The following GRM3 variants were observed in gnomAD, a reference collection of about 807,000 sequenced individuals.
The protein encoded by GRM3 is glutamate metabotropic receptor 3.
GRM3 carries 26 observed loss-of-function variants against 70.5 expected under a neutral mutation model. The observed-to-expected ratio is 0.37, with a 90% CI of 0.27 to 0.51. GRM3 has a LOEUF of 0.51. GRM3 is among the 20% of genes least tolerant of loss of function. The pLI is 0.93. For missense variants in GRM3, 859 were observed against 1,123.8 expected (o/e 0.76, Z 3.37); for synonymous variants, 443 against 434.9 (o/e 1.02, Z -0.23).
At chr7:86,653,293 G>A (rs1226265652) in intron 1 of GRM3, among the ~76,000 whole-genome samples, 1 of 152,150 alleles carries the variant, frequency 6.6e-6, no homozygotes, top group Non-Finnish European at 1.5e-5. Flanking sequence ...AATCACATCG[G>A]GAGCTAGGGC....
In GRM3 at chr7:86,644,344, G is replaced by GA. The variant is rs758177394; in HGVS notation, c.-665dup. The GA allele has an allele frequency of 3.1e-4, 88 of 281,788 alleles. No homozygotes were observed. In the Middle Eastern group the frequency reaches 5.2e-3, roughly 17 times the overall value. 17.5% of individuals were successfully genotyped at this position (281,788 alleles called of 1,614,324 possible). ...AAGAACGAGAGAGGGAGGAAAGAAT[G>GA]AAAAGGAGAGGATGCCAGGAGGTCC... On this transcript the variant is annotated 5_prime_UTR_variant, in exon 1 of 6. An upstream open reading frame in the 5' UTR loses its in-frame stop. Transcript: ENST00000361669.
At chr7:86,816,426 T>C (rs1798016013) in intron 3 of GRM3, among the ~76,000 whole-genome samples, 1 of 151,914 alleles carries the variant, frequency 6.6e-6, no homozygotes, top group Non-Finnish European at 1.5e-5. Context: ...AGGTAGTTTT[T>C]TGATCCTCTT....
intron 1 of GRM3, among the ~76,000 whole-genome samples, chr7:86,698,910 T>A (rs1464390956): frequency 6.6e-6 from 1 of 152,004 alleles, no homozygotes; most frequent in Non-Finnish European, 1.5e-5. Flanking sequence ...ATGGCCCCAC[T>A]AGCAGTATGT....
intron 1 of GRM3, among the ~76,000 whole-genome samples, chr7:86,736,899 G>A (rs1795874734): frequency 6.6e-6 from 1 of 152,026 alleles, no homozygotes; most frequent in Non-Finnish European, 1.5e-5. Context: ...TTGCAGATGT[G>A]TGTTTCCTTA....
chr7:86,666,537 C>A (rs1001686035), intron 1 of GRM3, among the ~76,000 whole-genome samples: 2 of 152,058 alleles, frequency 1.3e-5, no homozygotes, highest in Non-Finnish European at 2.9e-5. Flanking sequence ...CTGGAAGTTA[C>A]ATGAAACAGA....
In GRM3 at chr7:86,643,932, T is replaced by C. The variant is rs986062575; in HGVS notation, c.-1081T>C. The C allele has an allele frequency of 6.6e-6, 1 of 152,326 alleles. No homozygotes were observed. The highest frequency in any genetic ancestry group is 2.4e-5 in the African/African-American group (1 of 41,400). 9.4% of individuals were successfully genotyped at this position (152,326 alleles called of 1,614,324 possible). Reference sequence around the variant, plus strand: ...TCGCAGTGTGCAGTTGAGTCGCGAGTACGGCTGAGCTGCGTACCGGCCTCC... The same window carrying C: ...TCGCAGTGTGCAGTTGAGTCGCGAGCACGGCTGAGCTGCGTACCGGCCTCC... On this transcript the variant is annotated 5_prime_UTR_variant, in exon 1 of 6. Transcript: ENST00000361669.
At chr7:86,804,685 A>C (rs1301949266) in intron 3 of GRM3, among the ~76,000 whole-genome samples, 1 of 152,198 alleles carries the variant, frequency 6.6e-6, no homozygotes, top group African/African-American at 2.4e-5. Flanking sequence ...TGCTGGGATT[A>C]TAGGTGTGAA....
intron 1 of GRM3, among the ~76,000 whole-genome samples, chr7:86,725,260 T>C (rs1562839609): frequency 2.0e-5 from 3 of 152,116 alleles, no homozygotes; most frequent in Non-Finnish European, 4.4e-5. Flanking sequence ...CTAAGCACAG[T>C]GTCTGACACA....
intron 1 of GRM3, among the ~76,000 whole-genome samples, chr7:86,742,669 G>A (rs373218542): frequency 6.6e-6 from 1 of 152,040 alleles, no homozygotes; most frequent in East Asian, 1.9e-4. Flanking sequence ...GTAGGAAATT[G>A]AGCCATTGAA....
chr7:86,769,401 C>A (rs1451678498), intron 2 of GRM3, among the ~76,000 whole-genome samples: 1 of 152,062 alleles, frequency 6.6e-6, no homozygotes, highest in Admixed American at 6.6e-5. Flanking sequence ...TTGCAAATTG[C>A]CTGTTGAGAG....
At chr7:86,840,097 G>C (rs1160936779) in intron 4 of GRM3, among the ~76,000 whole-genome samples, 192 bp downstream of exon 4, 1 of 152,148 alleles carries the variant, frequency 6.6e-6, no homozygotes, top group Non-Finnish European at 1.5e-5. Flanking sequence ...ACCACATGCA[G>C]AGCACTGTGC....
chr7:86,803,662 A>G (rs752398921), intron 3 of GRM3, among the ~76,000 whole-genome samples: 1 of 152,178 alleles, frequency 6.6e-6, no homozygotes, highest in Non-Finnish European at 1.5e-5. Flanking sequence ...AAGTCATCCA[A>G]GTTACTTGGC....
intron 1 of GRM3, among the ~76,000 whole-genome samples, chr7:86,760,012 T>C (rs865941810): frequency 3.9e-5 from 6 of 152,128 alleles, no homozygotes; most frequent in Non-Finnish European, 5.9e-5. Flanking sequence ...AGAATCATAA[T>C]CAAATTGCAC....
intron 1 of GRM3, among the ~76,000 whole-genome samples, chr7:86,731,490 T>C (rs565716584): frequency 1.3e-5 from 2 of 152,334 alleles, no homozygotes; most frequent in South Asian, 2.1e-4. Context: ...CCAGTTTTGA[T>C]GAATAAAAAA....
At chr7:86,731,692 C>G (rs760278909) in intron 1 of GRM3, among the ~76,000 whole-genome samples, 1 of 152,142 alleles carries the variant, frequency 6.6e-6, no homozygotes, top group Non-Finnish European at 1.5e-5. Context: ...TAAAGGGTAA[C>G]AGCATCATGT....
intron 3 of GRM3, among the ~76,000 whole-genome samples, chr7:86,833,854 A>C (rs1798405359): frequency 6.6e-6 from 1 of 152,124 alleles, no homozygotes; most frequent in South Asian, 2.1e-4. Context: ...TAATGTATGC[A>C]TTTGAAGTAA....
intron 3 of GRM3, among the ~76,000 whole-genome samples, chr7:86,832,801 A>G (rs1044787335): frequency 2.6e-5 from 4 of 152,164 alleles, no homozygotes; most frequent in African/African-American, 9.7e-5. Flanking sequence ...ATTCAAGCCA[A>G]GTTCCCATTC....
chr7:86,780,665 A>C (rs1424691585), intron 2 of GRM3, among the ~76,000 whole-genome samples: 1 of 152,194 alleles, frequency 6.6e-6, no homozygotes, highest in Non-Finnish European at 1.5e-5. Flanking sequence ...TCTCACATAA[A>C]TCAGAAAGCC....
In GRM3 at chr7:86,644,690, C is replaced by A. The variant is rs1793409404; in HGVS notation, c.-323C>A. On this transcript the variant is annotated 5_prime_UTR_variant, in exon 1 of 6. Transcript: ENST00000361669. ...GCACTGTGACAGGAAGCTGCGCGCA[C>A]AAGTTGGCCATTTCGAGGGCAAAAT... 1.3e-6 allele frequency: 1 copy of A among 781,940 alleles called. No individual in the cohort carries two copies. The highest frequency in any genetic ancestry group is 1.9e-6 in the Non-Finnish European group (1 of 523,972). 48.4% of individuals were successfully genotyped at this position (781,940 alleles called of 1,614,324 possible).
Sources: allele counts gnomAD v4.1 joint callset (sites outside exome capture counted in the v4.1 genomes callset), GRCh38; gene constraint gnomAD v4.1.1; transcripts MANE v1.5; gene names NCBI Gene and HGNC (gene_info 2026-07-23, HGNC 2026-07-21).